VDAC3: variants seen among roughly 807,000 people sequenced by gnomAD.
VDAC3 encodes the protein non-selective voltage-gated ion channel VDAC3.
A neutral mutation model predicts 33.9 loss-of-function variants in VDAC3; 7 were observed. The ratio of observed to expected loss-of-function variants is 0.21; its 90% confidence interval spans 0.12 to 0.39. The LOEUF (loss-of-function observed/expected upper bound fraction) is 0.39. Among genes scored for constraint, VDAC3 ranks in the 10% least tolerant of loss-of-function variants. VDAC3 has a pLI of 1.00. For missense variants in VDAC3, 261 were observed against 334.5 expected (o/e 0.78, Z 1.71); for synonymous variants, 100 against 122.4 (o/e 0.82, Z 1.21).
chr8:42,400,415 T>C (rs1029058218), intron 6 of VDAC3, among the ~76,000 whole-genome samples: 3 of 152,098 alleles, frequency 2.0e-5, no homozygotes, highest in Non-Finnish European at 4.4e-5. Context: ...GAAGGTGATC[T>C]GGCTCTCAGA....
chr8:42,394,143 G>C, intron 2 of VDAC3, 67 bp from the exon 3 acceptor site: 1 of 1,420,776 alleles, frequency 7.0e-7, no homozygotes, highest in South Asian at 1.2e-5. Context: ...TTAAACAGCA[G>C]AAGAACTGTG....
At chr8:42,396,997 T>A (rs1802329665) in intron 4 of VDAC3, 1 of 266,792 alleles carries the variant, frequency 3.7e-6, no homozygotes, top group Non-Finnish European at 7.0e-6. Flanking sequence ...AGCCTTTTTT[T>A]CTGAGATTTG....
At chr8:42,394,167 T>A (rs1346340217) in intron 2 of VDAC3, 43 bp from the exon 3 acceptor site, 4 of 1,551,706 alleles carry the variant, frequency 2.6e-6, no homozygotes, top group East Asian at 2.2e-5. Flanking sequence ...GAATAAATAC[T>A]AAATGGTTAT....
chr8:42,395,958 T>TAA (rs543863402), intron 4 of VDAC3, among the ~76,000 whole-genome samples: 6 of 119,938 alleles, frequency 5.0e-5, no homozygotes, highest in Non-Finnish European at 5.4e-5. Flanking sequence ...GACTTTGTCT[T>TAA]AAAAAAAAAA....
rs544906886 is a variant in VDAC3, at chr8:42,399,813, G to A, written c.323+110G>A. 54 of 987,086 alleles carry A rather than the reference G, an allele frequency of 5.5e-5. No homozygotes were observed. The African/African-American group carries it at 8.1e-4, about 15-fold the overall frequency. The allele number at this position is 987,086 out of a possible 1,614,324, so 61.1% of individuals were successfully genotyped here. On this transcript the variant is annotated intron_variant, in intron 6 of 9. Transcript: ENST00000022615. ...TTCAGAGGCAGGAAGAACTCAGAAG[G>A]TTGCTATAAGGAATATTGGAGACCT... is the stretch of plus-strand genomic sequence containing the variant.
intron 6 of VDAC3, among the ~76,000 whole-genome samples, chr8:42,400,121 A>G (rs1157525485): frequency 6.6e-6 from 1 of 152,108 alleles, no homozygotes; most frequent in Non-Finnish European, 1.5e-5. Flanking sequence ...GCGGATCATG[A>G]GGTCCGGAGA....
chr8:42,402,464 T>C (rs1802432325), intron 7 of VDAC3, among the ~76,000 whole-genome samples: 1 of 152,198 alleles, frequency 6.6e-6, no homozygotes, highest in African/African-American at 2.4e-5. Context: ...GGTACTGGTA[T>C]TCTCGGTTGG....
intron 4 of VDAC3, among the ~76,000 whole-genome samples, chr8:42,395,520 C>A (rs550118453): frequency 2.2e-4 from 33 of 152,128 alleles, no homozygotes; most frequent in African/African-American, 7.5e-4. Context: ...CATGATTAGT[C>A]GAAACAAAAT....
Position 42,394,788 on chromosome 8 carries a change from A to G in VDAC3, c.68-296A>G, listed in dbSNP as rs571782237. On this transcript the variant is annotated intron_variant, in intron 3 of 9. Coordinates refer to ENST00000022615, the MANE Select transcript of VDAC3 (RefSeq NM_005662.7). ...GTTAACTATATTTTAAACGATATAT[A>G]TAGCAGCACACTATTTTCAGCAATT... 1.3e-4 allele frequency among the ~76,000 whole-genome samples: 20 copies of G among 152,324 alleles called. 1 individual carries two copies. The Middle Eastern group carries it at 0.01, about 78-fold the overall frequency.
chr8:42,393,939 A>C (rs1027543631), intron 2 of VDAC3, 55 bp downstream of exon 2: 4 of 459,552 alleles, frequency 8.7e-6, no homozygotes, highest in Non-Finnish European at 1.5e-5. Context: ...CATCTTTTTC[A>C]TCCTGTAAGA....
chr8:42,396,919 C>T (rs1285317401), intron 4 of VDAC3: 1 of 441,898 alleles, frequency 2.3e-6, no homozygotes, highest in African/African-American at 2.0e-5. Flanking sequence ...CTTGTTTGAC[C>T]AAATTATGAA....
chr8:42,398,644 C>A, intron 4 of VDAC3, 68 bp from the exon 5 acceptor site: 1 of 1,534,290 alleles, frequency 6.5e-7, no homozygotes, highest in South Asian at 1.2e-5. Context: ...TTGAACACTG[C>A]TTTCCAAAGT....
Position 42,404,721 on chromosome 8 carries a change from TC to T in VDAC3, c.703-145del, listed in dbSNP as rs1802469775. ...TGGGTGACAAGAACAAAACTTCATC[TC>T]AAAAAAAAAAAAAAAAAAAATCAGT... On this transcript the variant is annotated intron_variant, in intron 8 of 9. Transcript: ENST00000022615. The T allele has an allele frequency of 8.0e-6, 4 of 497,852 alleles. No individual in the cohort carries two copies. The East Asian group carries it at 1.4e-4, about 18-fold the overall frequency. The allele number at this position is 497,852 out of a possible 1,614,324, so 30.8% of individuals were successfully genotyped here.
At chr8:42,404,202 G>T (rs1802464065) in intron 8 of VDAC3, among the ~76,000 whole-genome samples, 1 of 152,156 alleles carries the variant, frequency 6.6e-6, no homozygotes, top group South Asian at 2.1e-4. Flanking sequence ...CCTTAGAAAG[G>T]TCAGCTAACT....
chr8:42,404,870 A>G lies in VDAC3; in HGVS notation c.706A>G (p.Lys236Glu). 2 of 1,612,964 alleles carry G rather than the reference A, an allele frequency of 1.2e-6. No individual in the cohort carries two copies. The highest frequency in any genetic ancestry group is 1.1e-5 in the South Asian group (1 of 90,950). ...TTATTCTATCTCTTAATCTTAGGCT[A>G]AAGTAAATAATGCCAGCCTGATTGG... ...MLDCRTSLSA[K>E]VNNASLIGLG... Residue 236 changes from lysine to glutamate, a missense_variant, in exon 9 of 10, where the codon AAA becomes GAA. Transcript: ENST00000022615.
rs192895217 is a variant in VDAC3, at chr8:42,401,782, T to C, written c.324-6T>C. The C allele has an allele frequency of 2.7e-5, 43 of 1,613,534 alleles. No individual in the cohort carries two copies. The Admixed American group carries it at 4.3e-4, about 16-fold the overall frequency. ...TCATTTGCTTTTGTTTGTTTGTTTA[T>C]TGCAGAAAGAAGAGTGGGAAATTGA... On this transcript the variant is annotated splice_region_variant and splice_polypyrimidine_tract_variant and intron_variant, in intron 6 of 9. Transcript: ENST00000022615.
intron 1 of VDAC3, among the ~76,000 whole-genome samples, chr8:42,393,467 A>G (rs954476584): frequency 6.6e-6 from 1 of 152,234 alleles, no homozygotes; most frequent in Admixed American, 6.5e-5. Flanking sequence ...GGAATGAGAT[A>G]ATCAGCAGTG....
intron 7 of VDAC3, 82 bp from the exon 8 acceptor site, chr8:42,403,225 TTAGA>T (rs1430223165): frequency 5.7e-5 from 86 of 1,501,010 alleles, no homozygotes; most frequent in Non-Finnish European, 7.8e-5. Context: ...GGATCCTTGT[TTAGA>T]TAGTCTTAGA....
rs1267952722 is a variant in VDAC3 at position 42,405,630 on chromosome 8, TGAGG to T, written c.*172_*175del. ...AAGTCTAGGGGTTGCGAATCCCTCC[TGAGG>T]GAGATGCTTGAAGGCATGCCTGGAA... On this transcript the variant is annotated 3_prime_UTR_variant, in exon 10 of 10. Transcript: ENST00000022615. 6.9e-6 allele frequency: 4 copies of T among 581,508 alleles called. No individual in the cohort carries two copies. Among genetic ancestry groups the T allele is most frequent in the Admixed American group, 3.2e-5 (1 of 31,444 alleles). 36.0% of individuals were successfully genotyped at this position (581,508 alleles called of 1,614,324 possible). A position where few individuals can be genotyped will look rare whatever the true frequency, so the allele number is the denominator to read the frequency against.
Sources: gnomAD v4.1 joint callset for allele counts (sites outside exome capture counted in the v4.1 genomes callset) on GRCh38, gnomAD v4.1.1 for gene constraint, MANE v1.5 for transcripts, NCBI Gene and HGNC (gene_info 2026-07-23, HGNC 2026-07-21) for gene names.